Variants in DCC observed in about 807,000 individuals in gnomAD.
The protein encoded by DCC is DCC netrin 1 receptor.
DCC carries 58 observed loss-of-function variants against 172.5 expected under a neutral mutation model. That is an observed-to-expected ratio of 0.34 (90% CI 0.27 to 0.42). The LOEUF (loss-of-function observed/expected upper bound fraction) is 0.42, where lower values mean the gene tolerates loss of function less well. DCC is among the 10% of genes least tolerant of loss of function. DCC has a pLI of 1.00. For synonymous variants in DCC, 709 were observed against 644.5 expected, an observed-to-expected ratio of 1.10 and a Z score of -1.52; for missense variants, 1,740 against 1,791.0, an observed-to-expected ratio of 0.97 and a Z score of 0.51.
At chr18:53,222,130 A>G (rs960561109) in intron 12 of DCC, among the ~76,000 whole-genome samples, 9 of 152,172 alleles carry the variant, frequency 5.9e-5, no homozygotes, top group African/African-American at 1.9e-4. Context: ...ATTACAGTCA[A>G]TGAATAAAGA....
intron 5 of DCC, among the ~76,000 whole-genome samples, chr18:52,971,525 A>AAACG (rs1363214998): frequency 6.6e-6 from 1 of 151,754 alleles, no homozygotes; most frequent in African/African-American, 2.4e-5. Flanking sequence ...ACACACACAC[A>AAACG]CACGCACGCA....
intron 1 of DCC, among the ~76,000 whole-genome samples, chr18:52,469,232 T>A (rs988336507): frequency 7.2e-5 from 11 of 151,994 alleles, no homozygotes; most frequent in African/African-American, 2.7e-4. Flanking sequence ...TAATTTTTTG[T>A]ATTTTAGTAG....
chr18:52,765,023 CTTT>C (rs963400763), intron 2 of DCC, among the ~76,000 whole-genome samples: 2 of 142,366 alleles, frequency 1.4e-5, no homozygotes, highest in South Asian at 2.1e-4. Context: ...ATTTTCTTTT[CTTT>C]TTTTTCTTTT....
At chr18:52,592,531 A>T (rs2033822024) in intron 1 of DCC, among the ~76,000 whole-genome samples, 1 of 152,320 alleles carries the variant, frequency 6.6e-6, no homozygotes, top group Non-Finnish European at 1.5e-5. Context: ...AACTGGAGAA[A>T]TATTGACTTT....
At chr18:53,306,269 A>AT (rs1206128079) in intron 13 of DCC, among the ~76,000 whole-genome samples, 6 of 152,164 alleles carry the variant, frequency 3.9e-5, no homozygotes, top group South Asian at 2.1e-4. Context: ...TAAAGAATAT[A>AT]TTTTTTTAAA....
intron 7 of DCC, among the ~76,000 whole-genome samples, chr18:53,153,859 A>G (rs1050978077): frequency 6.6e-6 from 1 of 152,160 alleles, no homozygotes; most frequent in Admixed American, 6.5e-5. Flanking sequence ...AGAAGCATCA[A>G]GAAGCCAAGG....
intron 3 of DCC, 108 bp from the exon 4 acceptor site, chr18:52,923,599 A>G (rs1306316175): frequency 1.7e-5 from 15 of 871,962 alleles, no homozygotes; most frequent in Non-Finnish European, 2.1e-5. Context: ...TTTCATTGGC[A>G]TCTTTTCATT....
At chr18:52,716,546 T>G (rs1240965994) in intron 1 of DCC, among the ~76,000 whole-genome samples, 1 of 152,194 alleles carries the variant, frequency 6.6e-6, no homozygotes, top group Non-Finnish European at 1.5e-5. Flanking sequence ...GTCTTTTGTG[T>G]GATAGATGGT....
At chr18:52,479,970 T>C (rs1486033330) in intron 1 of DCC, among the ~76,000 whole-genome samples, 1 of 152,126 alleles carries the variant, frequency 6.6e-6, no homozygotes, top group Non-Finnish European at 1.5e-5. Context: ...CCTAAGTAAA[T>C]GCTAACATTT....
At chr18:53,312,036 G>A (rs1035420551) in intron 13 of DCC, among the ~76,000 whole-genome samples, 6 of 150,970 alleles carry the variant, frequency 4.0e-5, no homozygotes, top group Admixed American at 3.3e-4. Flanking sequence ...TGGGTAGGGC[G>A]CGGTGGCTCA....
At chr18:52,948,500 T>C (rs1309094297) in intron 5 of DCC, among the ~76,000 whole-genome samples, 1 of 152,222 alleles carries the variant, frequency 6.6e-6, no homozygotes, top group Non-Finnish European at 1.5e-5. Context: ...GAATTTATGC[T>C]TCTCTTCATT....
intron 8 of DCC, among the ~76,000 whole-genome samples, chr18:53,161,020 C>T (rs547753658): frequency 6.6e-6 from 1 of 152,320 alleles, no homozygotes; most frequent in African/African-American, 2.4e-5. Flanking sequence ...GTTTCTCCCA[C>T]TAAGGTGAAT....
chr18:52,354,287 A>G (rs1433108886), intron 1 of DCC, among the ~76,000 whole-genome samples: 1 of 152,222 alleles, frequency 6.6e-6, no homozygotes, highest in African/African-American at 2.4e-5. Context: ...AAGAACCCTG[A>G]AAGATTTTCA....
chr18:53,348,041 C>A (rs1166374072), intron 15 of DCC, among the ~76,000 whole-genome samples: 1 of 152,142 alleles, frequency 6.6e-6, no homozygotes, highest in South Asian at 2.1e-4. Flanking sequence ...CCTCACATTT[C>A]AAAACCAAAC....
At chr18:52,746,995 C>A (rs2036915610) in intron 1 of DCC, among the ~76,000 whole-genome samples, 2 of 151,276 alleles carry the variant, frequency 1.3e-5, no homozygotes, top group South Asian at 4.2e-4. Flanking sequence ...GGAGAAGGCC[C>A]AATGATGATC....
intron 1 of DCC, among the ~76,000 whole-genome samples, chr18:52,603,293 C>T (rs2034055708): frequency 6.6e-6 from 1 of 152,016 alleles, no homozygotes; most frequent in Non-Finnish European, 1.5e-5. Flanking sequence ...TAGCTGATGA[C>T]AGAGACCTTG....
intron 1 of DCC, among the ~76,000 whole-genome samples, chr18:52,385,419 G>A (rs1234859404): frequency 6.6e-6 from 1 of 152,040 alleles, no homozygotes; most frequent in African/African-American, 2.4e-5. Context: ...AGGACTACAG[G>A]CCCCCAACAC....
chr18:52,977,307 G>A (rs1005625944), intron 5 of DCC, among the ~76,000 whole-genome samples: 6 of 152,054 alleles, frequency 3.9e-5, no homozygotes, highest in African/African-American at 2.4e-5. Flanking sequence ...ATTACCTGGG[G>A]AGCTCTAAAA....
intron 13 of DCC, among the ~76,000 whole-genome samples, chr18:53,317,320 G>A (rs1039423961): frequency 6.6e-6 from 1 of 152,206 alleles, no homozygotes; most frequent in Non-Finnish European, 1.5e-5. Context: ...TTGCATCTCA[G>A]GGATGAAGCC....
Sources: allele counts gnomAD v4.1 joint callset (sites outside exome capture counted in the v4.1 genomes callset), GRCh38; gene constraint gnomAD v4.1.1; transcripts MANE v1.5; gene names NCBI Gene and HGNC (gene_info 2026-07-23, HGNC 2026-07-21).